GPR158: variants seen among roughly 807,000 people sequenced by gnomAD.
GPR158 encodes the protein metabotropic glycine receptor.
GPR158 carries 30 observed loss-of-function variants against 78.2 expected under a neutral mutation model. The ratio of observed to expected loss-of-function variants is 0.38; its 90% CI spans 0.29 to 0.52. GPR158 has a LOEUF of 0.52. Among genes scored for constraint, GPR158 ranks in the 20% least tolerant of loss-of-function variants. The pLI is 0.83. For missense variants in GPR158, 1,463 were observed against 1,523.5 expected (o/e 0.96, Z 0.66); for synonymous variants, 581 against 591.1 (o/e 0.98, Z 0.25).
Position 25,452,017 on chromosome 10 carries a change from TTTTGG to T in GPR158, c.1336-14615_1336-14611del, listed in dbSNP as rs142615047. ...TCTCCAAAATTGGCTTTTTGTTTTG[TTTTGG>T]TTTGGTTTGGTTTGGTTTTTGTTTT... On this transcript the variant is annotated intron_variant, in intron 4 of 10. Transcript: ENST00000376351. Among the ~76,000 whole-genome samples, 13 of 151,272 alleles carry T rather than the reference TTTTGG, an allele frequency of 8.6e-5. No individual in the cohort carries two copies. In the South Asian group the frequency reaches 1.5e-3, roughly 17 times the overall value.
intron 2 of GPR158, among the ~76,000 whole-genome samples, chr10:25,230,591 G>GA (rs1251168299): frequency 1.3e-5 from 2 of 152,110 alleles, no homozygotes; most frequent in African/African-American, 4.8e-5. Context: ...TGGGTGATGT[G>GA]ATAACTGTCT....
At chr10:25,428,337 A>C (rs1371118556) in intron 4 of GPR158, among the ~76,000 whole-genome samples, 3 of 152,074 alleles carry the variant, frequency 2.0e-5, no homozygotes, top group Non-Finnish European at 4.4e-5. Context: ...TTCTTTAAAA[A>C]TTCAAGCATT....
intron 4 of GPR158, among the ~76,000 whole-genome samples, chr10:25,446,664 TTTAA>T (rs1346700992): frequency 1.3e-5 from 2 of 152,248 alleles, no homozygotes; most frequent in East Asian, 1.9e-4. Flanking sequence ...AAACATTCTA[TTTAA>T]TTATTTCATG....
intron 2 of GPR158, among the ~76,000 whole-genome samples, chr10:25,377,184 A>G (rs1342421319): frequency 1.3e-5 from 2 of 151,398 alleles, no homozygotes; most frequent in African/African-American, 4.8e-5. Context: ...TATTTTTACT[A>G]TGTTTTCTAT....
chr10:25,319,501 T>C (rs1202186979), intron 2 of GPR158, among the ~76,000 whole-genome samples: 1 of 152,206 alleles, frequency 6.6e-6, no homozygotes, highest in Admixed American at 6.5e-5. Flanking sequence ...GAATCTCTCA[T>C]ATTTGATACC....
chr10:25,297,447 G>A lies in GPR158; in HGVS notation c.1008+76290G>A, dbSNP rs1854531993. Among the ~76,000 whole-genome samples the A allele has an allele frequency of 2.0e-5, 3 of 152,136 alleles. No individual in the cohort carries two copies. The South Asian group carries it at 6.2e-4, about 32-fold the overall frequency. ...TTCAGATTCCAAAGAATTGTTTTGT[G>A]TTGCTTTAACTGTTTGGACCAAGAA... On this transcript the variant is annotated intron_variant, in intron 2 of 10. Transcript: ENST00000376351.
At chr10:25,473,501 T>C (rs1279622805) in intron 5 of GPR158, among the ~76,000 whole-genome samples, 1 of 152,214 alleles carries the variant, frequency 6.6e-6, no homozygotes, top group Non-Finnish European at 1.5e-5. Flanking sequence ...CCTCTTTTTC[T>C]GTTGATTGGA....
chr10:25,577,911 G>A (rs1837126955), intron 7 of GPR158, among the ~76,000 whole-genome samples: 1 of 152,172 alleles, frequency 6.6e-6, no homozygotes, highest in East Asian at 1.9e-4. Flanking sequence ...TTGCTACATG[G>A]ACACTGGACA....
intron 4 of GPR158, among the ~76,000 whole-genome samples, chr10:25,424,870 CTT>C (rs1168327978): frequency 3.3e-5 from 5 of 152,162 alleles, no homozygotes; most frequent in African/African-American, 4.8e-5. Flanking sequence ...AATGCGGGCT[CTT>C]TTTTGGTTCC....
At chr10:25,383,088 G>A (rs944374205) in intron 2 of GPR158, among the ~76,000 whole-genome samples, 12 of 152,200 alleles carry the variant, frequency 7.9e-5, no homozygotes, top group African/African-American at 2.2e-4. Context: ...ACCTGCCTCC[G>A]TCTCCCAAAG....
At chr10:25,196,215 T>G (rs754984362) in intron 1 of GPR158, among the ~76,000 whole-genome samples, 1 of 152,026 alleles carries the variant, frequency 6.6e-6, no homozygotes, top group Non-Finnish European at 1.5e-5. Flanking sequence ...TAACTTTTCT[T>G]TCATTTTCTC....
intron 5 of GPR158, among the ~76,000 whole-genome samples, chr10:25,498,697 T>C (rs910264058): frequency 1.1e-4 from 16 of 152,242 alleles, no homozygotes; most frequent in African/African-American, 3.9e-4. Flanking sequence ...GAAGTAGATA[T>C]TACATATGAC....
chr10:25,523,458 C>G (rs1197403207), intron 5 of GPR158, among the ~76,000 whole-genome samples: 3 of 152,154 alleles, frequency 2.0e-5, no homozygotes, highest in Non-Finnish European at 2.9e-5. Context: ...GACTGTGCAC[C>G]AGGTGGGGAG....
intron 3 of GPR158, among the ~76,000 whole-genome samples, chr10:25,406,478 T>C (rs912645233): frequency 6.6e-6 from 1 of 152,130 alleles, no homozygotes; most frequent in Non-Finnish European, 1.5e-5. Flanking sequence ...CCTGAAATAG[T>C]TGAAAGGATC....
At chr10:25,265,484 C>T (rs933601167) in intron 2 of GPR158, among the ~76,000 whole-genome samples, 5 of 152,052 alleles carry the variant, frequency 3.3e-5, no homozygotes, top group Admixed American at 2.6e-4. Flanking sequence ...GTGTACTCCA[C>T]TGGGATTTCA....
intron 5 of GPR158, among the ~76,000 whole-genome samples, chr10:25,471,238 T>C (rs1835496465): frequency 6.6e-6 from 1 of 152,086 alleles, no homozygotes. Flanking sequence ...GATAGTTTGC[T>C]GAGAATGATG....
chr10:25,375,619 A>C (rs1834067559), intron 2 of GPR158, among the ~76,000 whole-genome samples: 1 of 151,558 alleles, frequency 6.6e-6, no homozygotes, highest in Non-Finnish European at 1.5e-5. Context: ...TATCAATATC[A>C]AATAGCTCCA....
In GPR158 at chr10:25,201,224, T is replaced by C. The variant is rs547157572; in HGVS notation, c.903-19828T>C. Among the ~76,000 whole-genome samples, 5 of 152,310 alleles carry C rather than the reference T, an allele frequency of 3.3e-5. No individual in the cohort carries two copies. In the East Asian group the frequency reaches 9.6e-4, roughly 29 times the overall value. On this transcript the variant is annotated intron_variant, in intron 1 of 10. Transcript: ENST00000376351. ...TCATTGTAGAGACCATTTACCTCCC[T>C]GGTTAGGTGTATTCCTAGGTATTTT...
intron 2 of GPR158, among the ~76,000 whole-genome samples, chr10:25,307,754 C>G (rs533291165): frequency 6.6e-6 from 1 of 152,278 alleles, no homozygotes; most frequent in East Asian, 1.9e-4. Context: ...TACTTGTCTA[C>G]AGCTGTAGTG....
Sources: gnomAD v4.1 joint callset for allele counts (sites outside exome capture counted in the v4.1 genomes callset) on GRCh38, gnomAD v4.1.1 for gene constraint, MANE v1.5 for transcripts, NCBI Gene and HGNC (gene_info 2026-07-23, HGNC 2026-07-21) for gene names.